The following ARNT2 variants were observed in gnomAD, a reference collection of about 807,000 sequenced individuals.
The protein encoded by ARNT2 is aryl hydrocarbon receptor nuclear translocator 2, also known as ARNT protein 2.
In ARNT2, 36 loss-of-function variants were observed where a neutral mutation model predicts 91.7. The ratio of observed to expected loss-of-function variants is 0.39; its 90% CI spans 0.30 to 0.52. The LOEUF (loss-of-function observed/expected upper bound fraction) is 0.52, where lower values mean the gene tolerates loss of function less well. ARNT2 is among the 20% of genes least tolerant of loss of function. The pLI is 0.72. For synonymous variants in ARNT2, 365 were observed against 347.1 expected, an observed-to-expected ratio of 1.05 and a Z score of -0.57; for missense variants, 775 against 939.3, an observed-to-expected ratio of 0.83 and a Z score of 2.29.
rs1165450151 is a variant in ARNT2 at position 80,591,955 on chromosome 15, A to T, written c.2055+251A>T. On this transcript the variant is annotated intron_variant, in intron 18 of 18. Transcript: ENST00000303329. This position sits in a 1 kb window ranked among gnomAD's most constrained non-coding sequence, Gnocchi z 5.1. The stretch of plus-strand genomic sequence containing the variant: ...ACAATAGAGGAGGCTGCAGTTGGAG[A>T]TGCTTCCCAGACTCCAGAGCTATCC... Among the ~76,000 whole-genome samples, 4 of 152,054 alleles carry T rather than the reference A, an allele frequency of 2.6e-5. No individual in the cohort carries two copies. Among genetic ancestry groups the T allele is most frequent in the Non-Finnish European group, 5.9e-5 (4 of 68,000 alleles).
At chr15:80,417,407 G>C (rs1290378327) in intron 1 of ARNT2, among the ~76,000 whole-genome samples, 1 of 152,166 alleles carries the variant, frequency 6.6e-6, no homozygotes, top group Non-Finnish European at 1.5e-5. Context: ...ATCACCTTTT[G>C]TTGCCTGACT....
chr15:80,568,963 T>C (rs536703060), intron 12 of ARNT2, among the ~76,000 whole-genome samples: 7 of 151,944 alleles, frequency 4.6e-5, no homozygotes, highest in Non-Finnish European at 8.8e-5. Context: ...TGCACACACA[T>C]GCTTGACTGG....
intron 2 of ARNT2, among the ~76,000 whole-genome samples, chr15:80,454,229 C>G (rs1896447902): frequency 6.6e-6 from 1 of 152,022 alleles, no homozygotes; most frequent in Non-Finnish European, 1.5e-5. Context: ...CCTCCCTGAT[C>G]TCAGTGACAG....
At chr15:80,565,029 TCTCCCACCTCAGC>T (rs1423994881) in intron 12 of ARNT2, among the ~76,000 whole-genome samples, 1 of 151,900 alleles carries the variant, frequency 6.6e-6, no homozygotes. Flanking sequence ...CTCAGGTGAT[TCTCCCACCTCAGC>T]CTCCCGAGTA....
chr15:80,516,335 G>T (rs1282090824), intron 8 of ARNT2, among the ~76,000 whole-genome samples: 1 of 152,092 alleles, frequency 6.6e-6, no homozygotes, highest in Non-Finnish European at 1.5e-5. Context: ...TCTCCTTGTA[G>T]GTCTTTTTTT....
chr15:80,584,942 C>A (rs1898867166), intron 17 of ARNT2, among the ~76,000 whole-genome samples: 1 of 152,222 alleles, frequency 6.6e-6, no homozygotes, highest in African/African-American at 2.4e-5. Flanking sequence ...CGAGTTGTGA[C>A]AAGCATAGCA....
At chr15:80,485,660 C>T (rs1275635949) in intron 5 of ARNT2, among the ~76,000 whole-genome samples, 1 of 152,126 alleles carries the variant, frequency 6.6e-6, no homozygotes, top group East Asian at 1.9e-4. Context: ...CAGAAGGCAG[C>T]CAGGTGAGGA....
chr15:80,555,272 G>T (rs757841498), intron 11 of ARNT2, 133 bp downstream of exon 11: 88 of 829,526 alleles, frequency 1.1e-4, no homozygotes, highest in Non-Finnish European at 1.6e-4. Flanking sequence ...CAGGGCCCCT[G>T]CTAGGAAGTC....
At chr15:80,439,676 C>T (rs955622410) in intron 1 of ARNT2, among the ~76,000 whole-genome samples, 1 of 152,216 alleles carries the variant, frequency 6.6e-6, no homozygotes, top group Admixed American at 6.5e-5. Flanking sequence ...TTCCAACTGC[C>T]TTTGGACAGT....
In ARNT2 at chr15:80,552,741, A is replaced by C; in HGVS notation, c.1056A>C (p.Pro352=). 1 of 1,614,142 alleles carries C rather than the reference A, an allele frequency of 6.2e-7. No individual in the cohort carries two copies. The highest frequency in any genetic ancestry group is 1.1e-5 in the South Asian group (1 of 91,054). Residue 352 remains proline, a synonymous_variant, in exon 10 of 19, where the codon CCA becomes CCC. Transcript: ENST00000303329. ...NSDGIITFVD[P]RCISVIGYQP... is the part of the protein sequence containing the mutation. ...ATGGAATCATCACATTTGTGGATCC[A>C]AGATGTATCAGTGTGATTGGCTACC...
chr15:80,517,365 C>A (rs1897454180), intron 8 of ARNT2, among the ~76,000 whole-genome samples: 1 of 152,092 alleles, frequency 6.6e-6, no homozygotes, highest in Admixed American at 6.5e-5. Flanking sequence ...TTTCTAGCTT[C>A]TTTTAAGAGT....
Position 80,404,466 on chromosome 15 carries a change from CCG to C in ARNT2, c.-48_-47del. 1 of 1,188,076 alleles carries C rather than the reference CCG, an allele frequency of 8.4e-7. No homozygotes were observed. The highest frequency in any genetic ancestry group is 1.7e-5 in the South Asian group (1 of 58,260). The allele number at this position is 1,188,076 out of a possible 1,614,324, so 73.6% of individuals were successfully genotyped here. ...CCGGGGCTGAGCGCCGGGCTCCGCG[CCG>C]CCCCTCCCGCGCCCCTGCCAAGCGG... On this transcript the variant is annotated 5_prime_UTR_variant, in exon 1 of 19. Coordinates refer to ENST00000303329, the MANE Select transcript of ARNT2 (RefSeq NM_014862.4). The surrounding 1 kb of genome is among the most constrained non-coding windows in gnomAD (Gnocchi z 5.5).
intron 1 of ARNT2, among the ~76,000 whole-genome samples, chr15:80,433,082 A>G (rs1896032620): frequency 6.6e-6 from 1 of 152,018 alleles, no homozygotes; most frequent in Admixed American, 6.5e-5. Context: ...ATCAAGGAAT[A>G]TATTCAACAA....
chr15:80,577,955 G>A (rs1303203880), intron 15 of ARNT2, among the ~76,000 whole-genome samples: 1 of 152,232 alleles, frequency 6.6e-6, no homozygotes, highest in Admixed American at 6.5e-5. Context: ...GCAGCCCTCT[G>A]TGAGCAGTCC....
At position 80,404,682 on chromosome 15, in the gene ARNT2, C is replaced by G; in HGVS notation, c.31+136C>G. The G allele has an allele frequency of 2.2e-6, 1 of 464,684 alleles. No homozygotes were observed. The highest frequency in any genetic ancestry group is 9.2e-5 in the South Asian group (1 of 10,878). The allele number at this position is 464,684 out of a possible 1,614,324, so 28.8% of individuals were successfully genotyped here. On this transcript the variant is annotated intron_variant, in intron 1 of 18. Transcript: ENST00000303329. The surrounding 1 kb of genome is among the most constrained non-coding windows in gnomAD (Gnocchi z 5.5). ...GCGGTGGGTGGTGGAGCGGCTGTCA[C>G]TACGCGGCAGCCGCAGCATCAGCAC...
chr15:80,490,948 A>C (rs1301125374), intron 5 of ARNT2, among the ~76,000 whole-genome samples: 1 of 152,136 alleles, frequency 6.6e-6, no homozygotes, highest in Admixed American at 6.5e-5. Context: ...GGGGCAGGGG[A>C]CCCTAATTTA....
chr15:80,593,377 C>T (rs760937780), intron 18 of ARNT2, among the ~76,000 whole-genome samples: 7 of 152,240 alleles, frequency 4.6e-5, no homozygotes, highest in Non-Finnish European at 2.9e-5. Flanking sequence ...GTCCTAATGC[C>T]GTTTACCTGC....
chr15:80,506,211 C>T (rs191478211), intron 5 of ARNT2, among the ~76,000 whole-genome samples: 11 of 152,314 alleles, frequency 7.2e-5, no homozygotes, highest in African/African-American at 1.2e-4. Context: ...GCTGGGATTA[C>T]AGGCGTGAGC....
At chr15:80,475,325 C>T (rs1025007534) in intron 5 of ARNT2, 102 bp downstream of exon 5, 67 of 1,202,770 alleles carry the variant, frequency 5.6e-5, no homozygotes, top group Non-Finnish European at 6.3e-5. Context: ...GAGGCTGAGG[C>T]GGGTGGATCA....
Sources: gnomAD v4.1 joint callset for allele counts (sites outside exome capture counted in the v4.1 genomes callset) on GRCh38, gnomAD v4.1.1 for gene constraint, Gnocchi (gnomAD v3.1) non-coding constraint, MANE v1.5 for transcripts, NCBI Gene and HGNC (gene_info 2026-07-23, HGNC 2026-07-21) for gene names.